Variants in TET3 observed in about 807,000 individuals in gnomAD.
The protein encoded by TET3 is tet methylcytosine dioxygenase 3.
In TET3, 19 loss-of-function variants were observed where a neutral mutation model predicts 141.4. That is an observed-to-expected ratio of 0.13 (90% CI 0.09 to 0.20). The LOEUF is 0.20. Among genes scored for constraint, TET3 ranks in the 10% least tolerant of loss-of-function variants. The pLI, the probability that TET3 is intolerant of heterozygous loss-of-function variation, is 1.00. For missense variants in TET3, 1,874 were observed against 2,356.9 expected (o/e 0.80, Z 4.24); for synonymous variants, 1,043 against 980.9 (o/e 1.06, Z -1.18).
intron 3 of TET3, among the ~76,000 whole-genome samples, chr2:74,023,391 C>T (rs1041128488): frequency 6.6e-6 from 1 of 152,152 alleles, no homozygotes; most frequent in Non-Finnish European, 1.5e-5. Flanking sequence ...TACAGGTGTG[C>T]GCCATCACAC....
At chr2:74,113,676 C>A in the TET3 span, among the ~76,000 whole-genome samples, 1 of 151,406 alleles carries the variant, frequency 6.6e-6, no homozygotes, top group African/African-American at 2.4e-5. Context: ...AAAAAGAAAT[C>A]AAGAAAGCAA....
chr2:74,038,346 C>T (rs1382546062), intron 3 of TET3, among the ~76,000 whole-genome samples: 2 of 152,144 alleles, frequency 1.3e-5, no homozygotes, highest in African/African-American at 2.4e-5. Flanking sequence ...ATTCCTGCTG[C>T]CCCTAGGTGA....
chr2:74,101,409 G>A lies in TET3; in HGVS notation c.4621G>A (p.Asp1541Asn), dbSNP rs1253573709. 1.9e-6 allele frequency: 3 copies of A among 1,613,818 alleles called. No homozygotes were observed. The African/African-American group carries it at 4.0e-5, about 22-fold the overall frequency. Residue 1541 changes from aspartate to asparagine, a missense_variant, in exon 12 of 12, where the codon GAT becomes AAT. Coordinates refer to ENST00000409262, the MANE Select transcript of TET3 (RefSeq NM_001287491.2). The surrounding 1 kb of genome is among the most constrained non-coding windows in gnomAD (Gnocchi z 8.5). ...TEKPWALGAGDFNSALKGSPG... is the reference protein window; with the variant it reads ...TEKPWALGAGNFNSALKGSPG... ...GAAGCCGTGGGCGCTGGGGGCAGGG[G>A]ATTTCAACTCGGCCCTGAAAGGTAG... is the stretch of plus-strand genomic sequence containing the variant.
At chr2:74,032,487 G>GGCCCCAGCGGC (rs1558730116) in intron 3 of TET3, among the ~76,000 whole-genome samples, 1 of 150,462 alleles carries the variant, frequency 6.6e-6, no homozygotes, top group African/African-American at 2.5e-5. Flanking sequence ...GTGTGTGTGT[G>GGCCCCAGCGGC]TGTGTGTGTG....
chr2:73,985,494 G>C (rs940138094), intron 1 of TET3, among the ~76,000 whole-genome samples: 1 of 145,626 alleles, frequency 6.9e-6, no homozygotes, highest in East Asian at 2.0e-4. Flanking sequence ...TCCCCAGTCG[G>C]GCTGGCGGGC....
At chr2:74,018,565 T>C (rs950195426) in intron 3 of TET3, among the ~76,000 whole-genome samples, 1 of 152,218 alleles carries the variant, frequency 6.6e-6, no homozygotes, top group Non-Finnish European at 1.5e-5. Flanking sequence ...TATTGGGTAT[T>C]TGTAGTTTCC....
At chr2:74,074,943 C>G (rs1451219594) in intron 5 of TET3, among the ~76,000 whole-genome samples, 1 of 152,090 alleles carries the variant, frequency 6.6e-6, no homozygotes, top group Non-Finnish European at 1.5e-5. Context: ...ACAATCTCAG[C>G]TCACTGCAAG....
chr2:74,068,409 T>G (rs554464697), intron 4 of TET3, among the ~76,000 whole-genome samples: 2 of 152,206 alleles, frequency 1.3e-5, no homozygotes, highest in African/African-American at 4.8e-5. Flanking sequence ...GGAGGTCATT[T>G]TCTGTCAGTA....
the TET3 span, chr2:74,122,507 A>ATT: frequency 1.2e-4 from 8 of 65,150 alleles, no homozygotes; most frequent in Non-Finnish European, 1.4e-4. Flanking sequence ...ATATATATAT[A>ATT]TATATTTTTT....
intron 3 of TET3, among the ~76,000 whole-genome samples, chr2:74,044,583 C>T (rs2103656213): frequency 6.6e-6 from 1 of 152,318 alleles, no homozygotes; most frequent in South Asian, 2.1e-4. Flanking sequence ...CAGCATGGAA[C>T]ACTGTGGAGC....
At chr2:74,005,980 C>G (rs989599710) in intron 3 of TET3, among the ~76,000 whole-genome samples, 2 of 152,094 alleles carry the variant, frequency 1.3e-5, no homozygotes, top group African/African-American at 4.8e-5. Context: ...CACACGGCTC[C>G]CACACTCTGC....
Position 74,102,106 on chromosome 2 carries a change from C to G in TET3, c.5318C>G (p.Thr1773Arg). ...VPTRQALAVPTDSAVTVSSYA... is the reference protein window; with the variant it reads ...VPTRQALAVPRDSAVTVSSYA... ...ACCCGGCAGGCACTGGCTGTGCCCA[C>G]AGACTCGGCGGTCACCGTGTCCTCC... The change falls in exon 12 of 12, where the codon ACA becomes AGA. Residue 1773 changes from threonine to arginine, a missense_variant. By Grantham distance (71) the Thr-to-Arg change is moderately conservative. Around this residue, in one of 10 missense-constraint regions of TET3, gnomAD observed 113 missense variants for 114.3 expected, o/e 0.99. Transcript: ENST00000409262. 6.7e-7 allele frequency: 1 copy of G among 1,497,282 alleles called. No individual in the cohort carries two copies. The allele number at this position is 1,497,282 out of a possible 1,614,324, so 92.7% of individuals were successfully genotyped here.
chr2:74,112,616 A>G (rs928783293), downstream of TET3, among the ~76,000 whole-genome samples: 80 of 152,170 alleles, frequency 5.3e-4, no homozygotes, highest in African/African-American at 1.8e-3. Context: ...TTTAAAAAAC[A>G]AATATTAAGA....
chr2:74,122,509 A>ATTT, the TET3 span: 41 of 76,220 alleles, frequency 5.4e-4, no homozygotes, highest in African/African-American at 1.1e-3. Context: ...ATATATATAT[A>ATTT]TATTTTTTTT....
chr2:73,992,573 G>A (rs1005028365), intron 2 of TET3, among the ~76,000 whole-genome samples: 4 of 152,000 alleles, frequency 2.6e-5, no homozygotes, highest in Non-Finnish European at 4.4e-5. Context: ...CTTGGCCTCC[G>A]AAAGTGCTGG....
chr2:74,132,423 G>T, the TET3 span, among the ~76,000 whole-genome samples: 1 of 152,196 alleles, frequency 6.6e-6, no homozygotes, highest in African/African-American at 2.4e-5. Flanking sequence ...ACCTCACTGT[G>T]TGCCATCCAG....
intron 4 of TET3, among the ~76,000 whole-genome samples, chr2:74,073,076 G>T (rs781218021): frequency 6.6e-6 from 1 of 152,182 alleles, no homozygotes; most frequent in East Asian, 1.9e-4. Context: ...GTATCTGTTT[G>T]AGCCTCTGTC....
rs146447469 is a variant in TET3 at position 74,047,030 on chromosome 2, G to C, written c.1113G>C (p.Pro371=). The change falls in exon 4 of 12, where the codon CCG becomes CCC. Residue 371 remains proline (P), a synonymous_variant. Transcript: ENST00000409262. The part of the protein sequence containing the change: ...EALTQLSSAL[P]QPSHSTPQAS... ...TCACACAGCTCTCCTCTGCCCTCCC[G>C]CAGCCTTCTCATTCCACCCCCCAGG... The C allele has an allele frequency of 3.1e-6, 5 of 1,613,868 alleles. No individual in the cohort carries two copies. Among genetic ancestry groups the C allele is most frequent in the Non-Finnish European group, 4.2e-6 (5 of 1,179,850 alleles).
chr2:74,080,710 G>C (rs1573874401), intron 6 of TET3, 119 bp downstream of exon 6: 16 of 314,792 alleles, frequency 5.1e-5, no homozygotes, highest in Middle Eastern at 1.1e-3. Flanking sequence ...GGGGGGTGGG[G>C]CCAGGTGGGT....
Sources: gnomAD v4.1 joint callset for allele counts (sites outside exome capture counted in the v4.1 genomes callset) on GRCh38, gnomAD v4.1.1 for gene constraint, gnomAD v4.1.1 regional missense constraint, Gnocchi (gnomAD v3.1) non-coding constraint, MANE v1.5 for transcripts, NCBI Gene and HGNC (gene_info 2026-07-23, HGNC 2026-07-21) for gene names.